The following LRP1B variants were observed in gnomAD, a reference collection of about 807,000 sequenced individuals.
LRP1B encodes the protein low-density lipoprotein receptor-related protein 1B.
Under a neutral mutation model 556.6 loss-of-function variants are expected in LRP1B, and 217 were observed. The ratio of observed to expected loss-of-function variants is 0.39; its 90% CI spans 0.35 to 0.44. The LOEUF (loss-of-function observed/expected upper bound fraction) is 0.44, where lower values mean the gene tolerates loss of function less well. Ranked by LOEUF, LRP1B falls within the 20% of genes least tolerant of loss-of-function variation. The probability of loss-of-function intolerance (pLI) is 1.00; values close to 1 mark genes in which losing one functional copy is unlikely to be tolerated. For synonymous variants in LRP1B, 2,047 were observed against 1,865.8 expected, an observed-to-expected ratio of 1.10 and a Z score of -2.50; for missense variants, 5,053 against 5,620.8, an observed-to-expected ratio of 0.90 and a Z score of 3.23.
chr2:140,530,595 A>C lies in LRP1B; in HGVS notation c.7762+3426T>G, dbSNP rs541752764. 2.0e-5 allele frequency among the ~76,000 whole-genome samples: 3 copies of C among 152,232 alleles called. No homozygotes were observed. The South Asian group carries it at 6.2e-4, about 32-fold the overall frequency. Reference sequence around the variant, plus strand: ...AAACTAAAAGATTCAAGTAAGAGTAATCTTTCATCCAAATAGCTACCCATT... The same window carrying C: ...AAACTAAAAGATTCAAGTAAGAGTACTCTTTCATCCAAATAGCTACCCATT... On this transcript the variant is annotated intron_variant, in intron 47 of 90. Transcript: ENST00000389484.
chr2:140,345,841 C>CATATATATACATATATACATATATAT (rs1681642588), intron 77 of LRP1B, among the ~76,000 whole-genome samples: 1 of 136,192 alleles, frequency 7.3e-6, no homozygotes, highest in African/African-American at 2.8e-5. Flanking sequence ...TATATATACA[C>CATATATATACATATATACATATATAT]ATACACACAC....
At chr2:141,456,541 T>A (rs930747097) in intron 3 of LRP1B, among the ~76,000 whole-genome samples, 1 of 152,246 alleles carries the variant, frequency 6.6e-6, no homozygotes, top group Non-Finnish European at 1.5e-5. Flanking sequence ...TCCTCACACC[T>A]ATTACATGGG....
At chr2:141,802,721 A>C (rs1696047893) in intron 2 of LRP1B, among the ~76,000 whole-genome samples, 1 of 152,130 alleles carries the variant, frequency 6.6e-6, no homozygotes, top group Non-Finnish European at 1.5e-5. Context: ...AGCACTTCTG[A>C]GTGAAAGTCA....
intron 77 of LRP1B, among the ~76,000 whole-genome samples, chr2:140,339,390 G>T (rs534235688): frequency 6.6e-6 from 1 of 151,680 alleles, no homozygotes; most frequent in Admixed American, 6.6e-5. Flanking sequence ...CTTACAGTTA[G>T]CAATATACTT....
At chr2:140,252,071 A>AAAAAAAAAAAAAAAAAAAAAAAAAAAAC in intron 86 of LRP1B, among the ~76,000 whole-genome samples, 1 of 119,860 alleles carries the variant, frequency 8.3e-6, no homozygotes, top group Non-Finnish European at 1.8e-5. Context: ...GCAAAAAAAA[A>AAAAAAAAAAAAAAAAAAAAAAAAAAAAC]AAAAAAAAAA....
rs752282672 is a variant in LRP1B at position 141,922,584 on chromosome 2, G to A, written c.83-112183C>T. Among the ~76,000 whole-genome samples the A allele has an allele frequency of 4.0e-4, 61 of 152,098 alleles. 1 individual carries two copies. Among genetic ancestry groups the A allele is most frequent in the Admixed American group, 6.5e-5 (1 of 15,274 alleles). ...TCTTCACTTTTCAGCACCAGGCACT[G>A]GATGCTTACACATTTTTGTATAAAG... On this transcript the variant is annotated intron_variant, in intron 1 of 90. Coordinates refer to ENST00000389484, the MANE Select transcript of LRP1B (RefSeq NM_018557.3).
chr2:141,897,456 A>G (rs1699486413), intron 1 of LRP1B, among the ~76,000 whole-genome samples: 2 of 152,116 alleles, frequency 1.3e-5, no homozygotes, highest in Non-Finnish European at 2.9e-5. Flanking sequence ...CACATGAGAC[A>G]GTCAGAATAA....
At chr2:140,660,822 T>C (rs1288958145) in intron 41 of LRP1B, among the ~76,000 whole-genome samples, 1 of 151,984 alleles carries the variant, frequency 6.6e-6, no homozygotes, top group Admixed American at 6.6e-5. Flanking sequence ...TTACCTGCTG[T>C]CTTTCCAATT....
intron 59 of LRP1B, among the ~76,000 whole-genome samples, chr2:140,477,177 T>C (rs1688011089): frequency 6.6e-6 from 1 of 152,034 alleles, no homozygotes; most frequent in Non-Finnish European, 1.5e-5. Flanking sequence ...AATAAAAAGA[T>C]AGTTTACCTT....
intron 2 of LRP1B, among the ~76,000 whole-genome samples, chr2:141,745,043 G>C (rs1693861892): frequency 6.6e-6 from 1 of 152,092 alleles, no homozygotes; most frequent in South Asian, 2.1e-4. Context: ...CAAACAAATG[G>C]AGCCTCTTTG....
In LRP1B at chr2:141,761,880, C is replaced by A. The variant is rs79776018; in HGVS notation, c.205+48399G>T. 5.4e-3 allele frequency among the ~76,000 whole-genome samples: 816 copies of A among 152,258 alleles called. 10 individuals are homozygous for A. The highest frequency in any genetic ancestry group is 0.018 in the African/African-American group (753 of 41,564). On this transcript the variant is annotated intron_variant, in intron 2 of 90. Coordinates refer to ENST00000389484, the MANE Select transcript of LRP1B (RefSeq NM_018557.3). ...TGTCTAGTATTGCTATGTTTTCCTTCAACATTTAAAATATCCCAGAGTATC... is the reference window on the plus strand; with the variant it reads ...TGTCTAGTATTGCTATGTTTTCCTTAAACATTTAAAATATCCCAGAGTATC...
intron 41 of LRP1B, among the ~76,000 whole-genome samples, chr2:140,688,943 G>T (rs1229923161): frequency 6.6e-6 from 1 of 152,282 alleles, no homozygotes; most frequent in African/African-American, 2.4e-5. Context: ...TACATAGTCA[G>T]CCCACAAATA....
intron 3 of LRP1B, among the ~76,000 whole-genome samples, chr2:141,363,191 A>G (rs1688898427): frequency 6.6e-6 from 1 of 152,160 alleles, no homozygotes; most frequent in Admixed American, 6.5e-5. Context: ...ACCAGGTCTC[A>G]CCACCCATTT....
At chr2:140,743,898 G>C (rs930088012) in intron 35 of LRP1B, among the ~76,000 whole-genome samples, 1 of 145,550 alleles carries the variant, frequency 6.9e-6, no homozygotes, top group African/African-American at 2.5e-5. Context: ...ACCCAGGAGG[G>C]GGATGTTGCA....
chr2:140,972,962 A>T (rs1307447605), intron 18 of LRP1B, among the ~76,000 whole-genome samples: 1 of 147,216 alleles, frequency 6.8e-6, no homozygotes, highest in East Asian at 2.0e-4. Flanking sequence ...ATATATATAC[A>T]TATAATACAT....
At chr2:140,440,880 T>C (rs1172349882) in intron 66 of LRP1B, among the ~76,000 whole-genome samples, 2 of 152,162 alleles carry the variant, frequency 1.3e-5, no homozygotes, top group Non-Finnish European at 2.9e-5. Flanking sequence ...AGTGTATTTA[T>C]GCTATATCCA....
At chr2:140,945,034 A>G (rs1479221793) in intron 20 of LRP1B, among the ~76,000 whole-genome samples, 2 of 152,160 alleles carry the variant, frequency 1.3e-5, no homozygotes, top group Non-Finnish European at 2.9e-5. Context: ...ACTAGCCCAG[A>G]TAAGTGACTT....
In LRP1B at chr2:141,005,355, T is replaced by G; in HGVS notation, c.2483A>C (p.Glu828Ala). 6.2e-7 allele frequency: 1 copy of G among 1,610,182 alleles called. No homozygotes were observed. Among genetic ancestry groups the G allele is most frequent in the Non-Finnish European group, 8.5e-7 (1 of 1,177,490 alleles). ...CTTACATGTGCAAGTTGTCCCATTTTCATCCAAAAGTTGATTATCGGCACA... is the reference window on the plus strand; with the variant it reads ...CTTACATGTGCAAGTTGTCCCATTTGCATCCAAAAGTTGATTATCGGCACA... ...CACADNQLLD[E>A]NGTTCTFNPG... Residue 828 changes from glutamate (E) to alanine (A), a missense_variant, in exon 15 of 91, where the codon GAA becomes GCA. By Grantham distance (107) the Glu-to-Ala change is moderately radical. Around this residue, in one of 5 missense-constraint regions of LRP1B, gnomAD observed 3,619 missense variants for 3,931.9 expected, o/e 0.92. Coordinates refer to ENST00000389484, the MANE Select transcript of LRP1B (RefSeq NM_018557.3).
At chr2:141,456,923 G>C (rs527765220) in intron 3 of LRP1B, among the ~76,000 whole-genome samples, 3 of 152,296 alleles carry the variant, frequency 2.0e-5, no homozygotes, top group African/African-American at 4.8e-5. Context: ...TCTTTCTAAG[G>C]AACTTGTAAT....
Sources: gnomAD v4.1 joint callset for allele counts (sites outside exome capture counted in the v4.1 genomes callset) on GRCh38, gnomAD v4.1.1 for gene constraint, gnomAD v4.1.1 regional missense constraint, MANE v1.5 for transcripts, NCBI Gene and HGNC (gene_info 2026-07-23, HGNC 2026-07-21) for gene names.